The following RERE variants were observed in gnomAD, a reference collection of about 807,000 sequenced individuals.
RERE encodes arginine-glutamic acid dipeptide repeats.
In RERE, 40 loss-of-function variants were observed where a neutral mutation model predicts 146.1. The ratio of observed to expected loss-of-function variants is 0.27; its 90% CI spans 0.21 to 0.36. RERE has a LOEUF of 0.36. RERE is among the 10% of genes least tolerant of loss of function. The pLI is 1.00. For missense variants in RERE, 1,933 were observed against 2,138.7 expected (o/e 0.90, Z 1.90); for synonymous variants, 1,003 against 866.0 (o/e 1.16, Z -2.78).
intron 1 of RERE, among the ~76,000 whole-genome samples, chr1:8,658,058 A>G (rs530811804): frequency 6.6e-6 from 1 of 152,308 alleles, no homozygotes; most frequent in Admixed American, 6.5e-5. Flanking sequence ...CCCAAACTCC[A>G]AGCTAACACA....
At chr1:8,433,980 C>T (rs914470655) in intron 11 of RERE, among the ~76,000 whole-genome samples, 3 of 152,158 alleles carry the variant, frequency 2.0e-5, no homozygotes, top group Non-Finnish European at 4.4e-5. Context: ...TTTTCCTAAT[C>T]TTCCAAAGGC....
chr1:8,359,621 G>A lies in RERE; in HGVS notation c.3618+143C>T, dbSNP rs922027002. ...GTGCAGCACCCGTCAGAGGTGTGGA[G>A]ACAGGGTGTAAATAGCACCCAACCC... On this transcript the variant is annotated intron_variant, in intron 19 of 22. Coordinates refer to ENST00000400908, the MANE Select transcript of RERE (RefSeq NM_001042681.2). The A allele has an allele frequency of 1.3e-5, 12 of 910,672 alleles. No individual in the cohort carries two copies. In the African/African-American group the frequency reaches 1.6e-4, roughly 12 times the overall value. 56.4% of individuals were successfully genotyped at this position (910,672 alleles called of 1,614,324 possible).
At chr1:8,603,961 AAAG>A (rs375937918) in intron 4 of RERE, among the ~76,000 whole-genome samples, 9 of 151,772 alleles carry the variant, frequency 5.9e-5, no homozygotes, top group African/African-American at 1.7e-4. Context: ...AGAAAAGAAA[AAAG>A]AAGAAGTTCC....
intron 4 of RERE, among the ~76,000 whole-genome samples, chr1:8,578,369 A>C (rs1160778085): frequency 6.6e-6 from 1 of 152,168 alleles, no homozygotes; most frequent in Non-Finnish European, 1.5e-5. Flanking sequence ...AATCACACAC[A>C]CTCAGCATCA....
Position 8,559,304 on chromosome 1 carries a change from A to AC in RERE, c.523-1782dup, listed in dbSNP as rs1646048860. 3.2e-4 allele frequency among the ~76,000 whole-genome samples: 42 copies of AC among 130,176 alleles called. No individual in the cohort carries two copies. The East Asian group carries it at 8.5e-3, about 26-fold the overall frequency. The allele number at this position is 130,176 out of a possible 152,430, so 85.4% of individuals were successfully genotyped here. A position where few individuals can be genotyped will look rare whatever the true frequency, so the allele number is the denominator to read the frequency against. Reference sequence around the variant, plus strand: ...TCAAAAAAAAAAAAAAAAAAAAAAAACAGAACAAAACAAAACAAAAAACCA... The same window carrying AC: ...TCAAAAAAAAAAAAAAAAAAAAAAAACCAGAACAAAACAAAACAAAAAACCA... On this transcript the variant is annotated intron_variant, in intron 4 of 22. Coordinates refer to ENST00000400908, the MANE Select transcript of RERE (RefSeq NM_001042681.2).
chr1:8,376,267 C>T (rs758513229), intron 12 of RERE, among the ~76,000 whole-genome samples: 1 of 152,130 alleles, frequency 6.6e-6, no homozygotes, highest in Non-Finnish European at 1.5e-5. Flanking sequence ...TGGACCTTCG[C>T]AGTTATGGCT....
At chr1:8,617,610 C>G (rs1299261578) in intron 3 of RERE, among the ~76,000 whole-genome samples, 1 of 152,154 alleles carries the variant, frequency 6.6e-6, no homozygotes, top group East Asian at 1.9e-4. Flanking sequence ...AAGAAATACT[C>G]AATTTTGCAG....
intron 12 of RERE, among the ~76,000 whole-genome samples, chr1:8,394,057 T>G (rs968597926): frequency 2.6e-5 from 4 of 152,128 alleles, no homozygotes; most frequent in Non-Finnish European, 5.9e-5. Flanking sequence ...CACTAAGGGC[T>G]CCTGAGACCA....
chr1:8,542,720 G>A (rs1645813968), intron 6 of RERE, among the ~76,000 whole-genome samples: 1 of 152,098 alleles, frequency 6.6e-6, no homozygotes, highest in African/African-American at 2.4e-5. Context: ...TGCCCAGGCT[G>A]GTCTCAAACT....
At chr1:8,768,964 C>T (rs1640896376) in intron 1 of RERE, among the ~76,000 whole-genome samples, 1 of 152,146 alleles carries the variant, frequency 6.6e-6, no homozygotes, top group South Asian at 2.1e-4. Context: ...CAAACGGTGG[C>T]CCACAGGCCA....
intron 6 of RERE, among the ~76,000 whole-genome samples, chr1:8,554,678 CAAAAAAAAAA>C (rs386366172): frequency 1.6e-4 from 16 of 100,722 alleles, no homozygotes; most frequent in Non-Finnish European, 2.5e-4. Context: ...GATCCTGTCT[CAAAAAAAAAA>C]AAAAAAAAAA....
intron 1 of RERE, among the ~76,000 whole-genome samples, chr1:8,778,876 C>T (rs1182827164): frequency 1.3e-5 from 2 of 151,954 alleles, no homozygotes; most frequent in Non-Finnish European, 2.9e-5. Context: ...TTGAGACAGT[C>T]TTCCTCTGTC....
At chr1:8,369,659 C>T (rs1274487637) in intron 12 of RERE, among the ~76,000 whole-genome samples, 1 of 151,964 alleles carries the variant, frequency 6.6e-6, no homozygotes, top group Non-Finnish European at 1.5e-5. Flanking sequence ...TCATCCACTG[C>T]TGGTGGAAAT....
chr1:8,636,267 C>A (rs1010940908), intron 2 of RERE, among the ~76,000 whole-genome samples: 1 of 152,260 alleles, frequency 6.6e-6, no homozygotes, highest in African/African-American at 2.4e-5. Flanking sequence ...GGATTACAGG[C>A]GTAAGCCACC....
Position 8,594,574 on chromosome 1 carries a change from T to G in RERE, c.522+19987A>C, listed in dbSNP as rs144053821. 2.4e-3 allele frequency among the ~76,000 whole-genome samples: 366 copies of G among 152,302 alleles called. 2 individuals are homozygous for G. The highest frequency in any genetic ancestry group is 8.5e-3 in the African/African-American group (352 of 41,560). On this transcript the variant is annotated intron_variant, in intron 4 of 22. Coordinates refer to ENST00000400908, the MANE Select transcript of RERE (RefSeq NM_001042681.2). ...AGCCAGCAATATAGCAAGTGAACTA[T>G]GAGCAAATACTACAATATAGTCTCA... is the stretch of plus-strand genomic sequence containing the variant.
intron 10 of RERE, among the ~76,000 whole-genome samples, chr1:8,486,154 T>TA (rs537022677): frequency 6.6e-5 from 10 of 151,868 alleles, no homozygotes; most frequent in South Asian, 2.1e-4. Context: ...AACTAGGTGA[T>TA]AAAAAAAATT....
At chr1:8,487,268 G>C (rs1015275526) in intron 10 of RERE, among the ~76,000 whole-genome samples, 24 of 152,194 alleles carry the variant, frequency 1.6e-4, no homozygotes, top group African/African-American at 5.1e-4. Flanking sequence ...ATATATAAGA[G>C]ATCATTCTAA....
At position 8,816,580 on chromosome 1, in the gene RERE, C is replaced by T. The variant is rs116480890; in HGVS notation, c.-145+580G>A. 3.8e-3 allele frequency among the ~76,000 whole-genome samples: 574 copies of T among 152,258 alleles called. 5 individuals carry two copies. The highest frequency in any genetic ancestry group is 0.012 in the African/African-American group (489 of 41,534). ...GTGTATGTAAAACTACGAATCTTTCCATCATCTTAAAAATTAGTAATAAAT... is the reference window on the plus strand; with the variant it reads ...GTGTATGTAAAACTACGAATCTTTCTATCATCTTAAAAATTAGTAATAAAT... On this transcript the variant is annotated intron_variant, in intron 1 of 22. Coordinates refer to ENST00000400908, the MANE Select transcript of RERE (RefSeq NM_001042681.2).
chr1:8,520,749 CT>C (rs34177564), intron 7 of RERE, among the ~76,000 whole-genome samples: 16,053 of 112,234 alleles, frequency 0.14, 1,133 homozygotes, highest in Middle Eastern at 0.2. Context: ...AGCCAAAAAA[CT>C]TTTTAAAAAA....
Sources: gnomAD v4.1 joint callset for allele counts (sites outside exome capture counted in the v4.1 genomes callset) on GRCh38, gnomAD v4.1.1 for gene constraint, MANE v1.5 for transcripts, NCBI Gene and HGNC (gene_info 2026-07-23, HGNC 2026-07-21) for gene names.